The following DCX variants were observed in gnomAD, a reference collection of about 807,000 sequenced individuals.
The protein encoded by DCX is neuronal migration protein doublecortin.
In DCX, 4 loss-of-function variants were observed where a neutral mutation model predicts 20.9. The ratio of observed to expected loss-of-function variants is 0.19; its 90% CI spans 0.09 to 0.44. The LOEUF is 0.44. DCX is among the 20% of genes least tolerant of loss of function. The pLI is 0.99. For synonymous variants in DCX, 103 were observed against 111.4 expected (o/e 0.92, Z 0.47); for missense variants, 133 against 296.9 (o/e 0.45, Z 4.06).
At position 111,297,477 on chromosome X, in the gene DCX, A is replaced by G. The variant is rs1174540147; in HGVS notation, c.*4210T>C. On this transcript the variant is annotated 3_prime_UTR_variant, in exon 7 of 7. Coordinates refer to ENST00000636035, the MANE Select transcript of DCX (RefSeq NM_001195553.2). ...TAGGAACACAGACAAAATTTTGTTCAAGGTAAGCACCAATCACTGGTCTAA... is the reference window on the plus strand; with the variant it reads ...TAGGAACACAGACAAAATTTTGTTCGAGGTAAGCACCAATCACTGGTCTAA... 1.8e-5 allele frequency: 2 copies of G among 112,343 alleles called. No individual in the cohort carries two copies. The highest frequency in any genetic ancestry group is 3.8e-5 in the Non-Finnish European group (2 of 53,272). The allele number at this position is 112,343 out of a possible 1,213,427, so 9.3% of individuals were successfully genotyped here. A position where few individuals can be genotyped will look rare whatever the true frequency, so the allele number is the denominator to read the frequency against.
rs770877895 is a variant in DCX, at chrX:111,300,748, A to G, written c.*939T>C. On this transcript the variant is annotated 3_prime_UTR_variant, in exon 7 of 7. Coordinates refer to ENST00000636035, the MANE Select transcript of DCX (RefSeq NM_001195553.2). ...ATGAATTTTTATAAAAAGGATATTG[A>G]TTTCTTGCTATAAAAAGAGACTGAA... 3.6e-5 allele frequency: 4 copies of G among 111,180 alleles called. No homozygotes were observed. The highest frequency in any genetic ancestry group is 7.5e-5 in the Non-Finnish European group (4 of 53,027). 9.2% of individuals were successfully genotyped at this position (111,180 alleles called of 1,213,427 possible).
chrX:111,388,481 G>A (rs1468542634), intron 3 of DCX, among the ~76,000 whole-genome samples: 1 of 112,047 alleles, frequency 8.9e-6, no homozygotes, highest in Non-Finnish European at 1.9e-5. Flanking sequence ...AAAGACCAGT[G>A]ATTCCCAAAG....
Position 111,411,272 on chromosome X carries a change from T to C in DCX, c.-22-852A>G, listed in dbSNP as rs758701423. 155 of 273,165 alleles carry C rather than the reference T, an allele frequency of 5.7e-4. 1 individual carries two copies. In the East Asian group the frequency reaches 0.011, roughly 20 times the overall value. 22.5% of individuals were successfully genotyped at this position (273,165 alleles called of 1,213,427 possible). A position where few individuals can be genotyped will look rare whatever the true frequency, so the allele number is the denominator to read the frequency against. ...AGGTGCTCCACCCCCTCCCCACTGA[T>C]GCAGCAACACCTCTTAATGGAATAA... On this transcript the variant is annotated intron_variant, in intron 1 of 6. Coordinates refer to ENST00000636035, the MANE Select transcript of DCX (RefSeq NM_001195553.2).
At chrX:111,362,597 G>T (rs1345598695) in intron 3 of DCX, among the ~76,000 whole-genome samples, 1 of 111,560 alleles carries the variant, frequency 9.0e-6, no homozygotes, top group Non-Finnish European at 1.9e-5. Flanking sequence ...ATCAAAGGCA[G>T]GTTTCATCCT....
At chrX:111,408,183 G>A (rs986784287) in intron 2 of DCX, among the ~76,000 whole-genome samples, 7 of 111,554 alleles carry the variant, frequency 6.3e-5, no homozygotes, top group Non-Finnish European at 9.4e-5. Flanking sequence ...CAAAGTTGCC[G>A]TGACTCTCCT....
intron 5 of DCX, among the ~76,000 whole-genome samples, chrX:111,328,218 T>C (rs1361243216): frequency 9.0e-6 from 1 of 111,629 alleles, no homozygotes; most frequent in African/African-American, 3.3e-5. Flanking sequence ...TCTTTTTTTT[T>C]AGTGAAGGAG....
At chrX:111,378,829 A>G (rs1925740303) in intron 3 of DCX, among the ~76,000 whole-genome samples, 1 of 111,797 alleles carries the variant, frequency 8.9e-6, no homozygotes, top group Non-Finnish European at 1.9e-5. Flanking sequence ...TGATATTATT[A>G]ATAGTTGGAG....
In DCX at chrX:111,297,639, T is replaced by C. The variant is rs1326103293; in HGVS notation, c.*4048A>G. 9.0e-6 allele frequency: 1 copy of C among 111,145 alleles called. No homozygotes were observed. Among genetic ancestry groups the C allele is most frequent in the East Asian group, 2.8e-4 (1 of 3,532 alleles). The allele number at this position is 111,145 out of a possible 1,213,427, so 9.2% of individuals were successfully genotyped here. On this transcript the variant is annotated 3_prime_UTR_variant, in exon 7 of 7. Transcript: ENST00000636035. ...GAAGGAGAGAGAAGTACCTGAGGAG[T>C]GGGGTAAGCCCAGAAGGAGGTCTCT...
rs2095018036 is a variant in DCX, at chrX:111,295,412, T to C, written c.*6275A>G. Reference sequence around the variant, plus strand: ...CAAATGTCTCTTTTTATAGTATAGATTTGTTAAATTATCTTTTCATTTAAA... The same window carrying C: ...CAAATGTCTCTTTTTATAGTATAGACTTGTTAAATTATCTTTTCATTTAAA... On this transcript the variant is annotated 3_prime_UTR_variant, in exon 7 of 7. Coordinates refer to ENST00000636035, the MANE Select transcript of DCX (RefSeq NM_001195553.2). 8.9e-6 allele frequency: 1 copy of C among 112,201 alleles called. No individual in the cohort carries two copies. The highest frequency in any genetic ancestry group is 3.2e-5 in the African/African-American group (1 of 30,786). The allele number at this position is 112,201 out of a possible 1,213,427, so 9.2% of individuals were successfully genotyped here.
At position 111,333,172 on chromosome X, in the gene DCX, C is replaced by A; in HGVS notation, c.706-19G>T. 1 of 1,112,940 alleles carries A rather than the reference C, an allele frequency of 9.0e-7. No homozygotes were observed. Among genetic ancestry groups the A allele is most frequent in the South Asian group, 1.9e-5 (1 of 53,756 alleles). The allele number at this position is 1,112,940 out of a possible 1,213,427, so 91.7% of individuals were successfully genotyped here. On this transcript the variant is annotated intron_variant, in intron 3 of 6. Transcript: ENST00000636035. ...AAGTTACCTATGGAGAAAGCAGAAA[C>A]ACTGATTGTATATGATGGTCCTGTG...
rs142039520 is a variant in DCX, at chrX:111,378,968, C to T, written c.705+22022G>A. On this transcript the variant is annotated intron_variant, in intron 3 of 6. Coordinates refer to ENST00000636035, the MANE Select transcript of DCX (RefSeq NM_001195553.2). The stretch of plus-strand genomic sequence containing the variant: ...CTGCCATGTGAGGACAGTCTTCCTC[C>T]CTTCTGGGAAATTCATCCCTCACCA... Among the ~76,000 whole-genome samples, 19 of 111,636 alleles carry T rather than the reference C, an allele frequency of 1.7e-4. No homozygotes were observed. In the East Asian group the frequency reaches 3.1e-3, roughly 18 times the overall value.
chrX:111,301,618 G>C lies in DCX; in HGVS notation c.*69C>G, dbSNP rs1424414465. On this transcript the variant is annotated 3_prime_UTR_variant, in exon 7 of 7. Transcript: ENST00000636035. ...GCACCAATAGCCCTGTTGGACACTT[G>C]AGCAGAAGTACCCTACTACAATGAT... is the stretch of plus-strand genomic sequence containing the variant. 1.9e-6 allele frequency: 2 copies of C among 1,070,389 alleles called. No homozygotes were observed. The highest frequency in any genetic ancestry group is 2.6e-6 in the Non-Finnish European group (2 of 766,666). 88.2% of individuals were successfully genotyped at this position (1,070,389 alleles called of 1,213,427 possible).
chrX:111,341,010 A>G (rs1166290686), intron 3 of DCX, among the ~76,000 whole-genome samples: 1 of 110,989 alleles, frequency 9.0e-6, no homozygotes, highest in Admixed American at 9.7e-5. Flanking sequence ...ACAGAATTAG[A>G]AGGAGGGTAA....
At chrX:111,392,687 C>A (rs1187581291) in intron 3 of DCX, among the ~76,000 whole-genome samples, 1 of 111,667 alleles carries the variant, frequency 9.0e-6, no homozygotes, top group South Asian at 3.8e-4. Context: ...TAAAAATATT[C>A]TAAAATTGAC....
intron 2 of DCX, among the ~76,000 whole-genome samples, chrX:111,407,675 G>A (rs1490907773): frequency 5.4e-5 from 6 of 110,942 alleles, no homozygotes; most frequent in African/African-American, 2.0e-4. Context: ...ACAGATAAGA[G>A]GAGTTCAACC....
At chrX:111,403,248 A>C (rs1231030745) in intron 2 of DCX, among the ~76,000 whole-genome samples, 1 of 111,893 alleles carries the variant, frequency 8.9e-6, no homozygotes, top group South Asian at 3.8e-4. Context: ...CTTGTCATGT[A>C]CTTTAAAACT....
chrX:111,328,577 C>A (rs1346574833), intron 5 of DCX, among the ~76,000 whole-genome samples: 2 of 111,807 alleles, frequency 1.8e-5, no homozygotes, highest in East Asian at 5.6e-4. Context: ...AAAAACAGAT[C>A]TACAAATTCT....
intron 3 of DCX, among the ~76,000 whole-genome samples, chrX:111,353,758 T>C (rs1451483335): frequency 9.0e-6 from 1 of 111,591 alleles, no homozygotes; most frequent in Non-Finnish European, 1.9e-5. Flanking sequence ...CCACGGTAAC[T>C]GTTAAGGGCC....
chrX:111,368,288 C>T (rs1603419700), intron 3 of DCX, among the ~76,000 whole-genome samples: 1 of 111,693 alleles, frequency 9.0e-6, no homozygotes, highest in East Asian at 2.8e-4. Flanking sequence ...TATGAGATAA[C>T]TGTGGTTTTA....
Sources: allele counts gnomAD v4.1 joint callset (sites outside exome capture counted in the v4.1 genomes callset), GRCh38; gene constraint gnomAD v4.1.1; transcripts MANE v1.5; gene names NCBI Gene and HGNC (gene_info 2026-07-23, HGNC 2026-07-21).